Variants in ADCY2 observed in about 807,000 individuals in gnomAD.
ADCY2 encodes the protein adenylate cyclase 2.
A neutral mutation model predicts 125.2 loss-of-function variants in ADCY2; 31 were observed. That is an observed-to-expected ratio of 0.25 (90% CI 0.19 to 0.33). The LOEUF (loss-of-function observed/expected upper bound fraction) is 0.33. Ranked by LOEUF, ADCY2 falls within the 10% of genes least tolerant of loss-of-function variation. The pLI is 1.00. For missense variants in ADCY2, 904 were observed against 1,418.2 expected (o/e 0.64, Z 5.82); for synonymous variants, 512 against 548.4 (o/e 0.93, Z 0.93).
At chr5:7,769,271 T>C (rs1271547052) in intron 17 of ADCY2, among the ~76,000 whole-genome samples, 8 of 152,140 alleles carry the variant, frequency 5.3e-5, no homozygotes, top group African/African-American at 1.9e-4. Context: ...AACCTAAAAA[T>C]ATGAAAATGC....
At chr5:7,559,712 T>A (rs892361709) in intron 3 of ADCY2, among the ~76,000 whole-genome samples, 6 of 152,176 alleles carry the variant, frequency 3.9e-5, no homozygotes, top group Non-Finnish European at 8.8e-5. Flanking sequence ...TAATGCTATG[T>A]TGAATAGAAG....
intron 14 of ADCY2, among the ~76,000 whole-genome samples, chr5:7,738,615 A>C (rs1181324163): frequency 6.6e-6 from 1 of 152,004 alleles, no homozygotes; most frequent in East Asian, 1.9e-4. Context: ...AAGTATGACC[A>C]AGCCATATAC....
intron 2 of ADCY2, among the ~76,000 whole-genome samples, chr5:7,503,801 C>T (rs1743691486): frequency 6.6e-6 from 1 of 152,218 alleles, no homozygotes; most frequent in Non-Finnish European, 1.5e-5. Context: ...GAGCACATTG[C>T]ATGGACACCT....
intron 18 of ADCY2, among the ~76,000 whole-genome samples, chr5:7,774,140 G>A (rs1191746381): frequency 2.0e-5 from 3 of 152,202 alleles, no homozygotes; most frequent in African/African-American, 7.2e-5. Flanking sequence ...CCGGTGTTAG[G>A]AACGGCAGTT....
At chr5:7,582,306 G>C (rs188606524) in intron 3 of ADCY2, among the ~76,000 whole-genome samples, 109 of 152,184 alleles carry the variant, frequency 7.2e-4, no homozygotes, top group Non-Finnish European at 1.4e-3. Flanking sequence ...ATGAAAAAGA[G>C]TAAGAGACAA....
At chr5:7,474,385 G>A (rs932306346) in intron 2 of ADCY2, among the ~76,000 whole-genome samples, 2 of 152,186 alleles carry the variant, frequency 1.3e-5, no homozygotes, top group South Asian at 2.1e-4. Context: ...AAATGGGAGT[G>A]CTCTGAAGGA....
chr5:7,559,006 G>C (rs915014997), intron 3 of ADCY2, among the ~76,000 whole-genome samples: 1 of 152,046 alleles, frequency 6.6e-6, no homozygotes, highest in Non-Finnish European at 1.5e-5. Flanking sequence ...TCTTATTTCA[G>C]GTTTTCTATT....
Position 7,431,084 on chromosome 5 carries a change from T to C in ADCY2, c.408+16314T>C, listed in dbSNP as rs149612101. Among the ~76,000 whole-genome samples, 481 of 152,242 alleles carry C rather than the reference T, an allele frequency of 3.2e-3. 1 individual carries two copies. Among genetic ancestry groups the C allele is most frequent in the African/African-American group, 0.011 (457 of 41,546 alleles). On this transcript the variant is annotated intron_variant, in intron 2 of 24. Coordinates refer to ENST00000338316, the MANE Select transcript of ADCY2 (RefSeq NM_020546.3). The stretch of plus-strand genomic sequence containing the variant: ...CTAAAATGTATATGGAAATGCAAAA[T>C]ACCCCTTAAAATTTGAAAAAGCAGG...
chr5:7,585,911 A>G (rs1409759311), intron 3 of ADCY2, among the ~76,000 whole-genome samples: 2 of 152,242 alleles, frequency 1.3e-5, no homozygotes, highest in African/African-American at 2.4e-5. Context: ...CGCGATTTGT[A>G]TGTACATGGT....
chr5:7,565,880 T>C (rs1405900936), intron 3 of ADCY2, among the ~76,000 whole-genome samples: 1 of 152,204 alleles, frequency 6.6e-6, no homozygotes, highest in Non-Finnish European at 1.5e-5. Context: ...CCCAAATAAA[T>C]GTATTTGACC....
At chr5:7,816,762 T>C in intron 22 of ADCY2, 104 bp from the exon 23 acceptor site, 1 of 814,086 alleles carries the variant, frequency 1.2e-6, no homozygotes, top group African/African-American at 1.7e-5. Context: ...GCATTAGAAT[T>C]TGCCTGCATT....
intron 14 of ADCY2, among the ~76,000 whole-genome samples, chr5:7,729,738 A>G (rs1742040684): frequency 6.7e-6 from 1 of 149,490 alleles, no homozygotes; most frequent in Non-Finnish European, 1.5e-5. Context: ...TTCATTAAAG[A>G]TTACTATTAA....
intron 1 of ADCY2, among the ~76,000 whole-genome samples, chr5:7,401,647 C>T (rs1739268569): frequency 6.6e-6 from 1 of 152,202 alleles, no homozygotes; most frequent in Non-Finnish European, 1.5e-5. Flanking sequence ...GTGTCTTCCC[C>T]ATCAAGTGGA....
At chr5:7,757,393 CTG>C in intron 15 of ADCY2, 54 bp from the exon 16 acceptor site, 1 of 1,581,370 alleles carries the variant, frequency 6.3e-7, no homozygotes, top group Non-Finnish European at 8.6e-7. Context: ...CATCAAGAAA[CTG>C]GAGAGAAGTC....
intron 3 of ADCY2, among the ~76,000 whole-genome samples, chr5:7,574,459 G>T (rs1186357872): frequency 6.6e-6 from 1 of 152,072 alleles, no homozygotes; most frequent in Non-Finnish European, 1.5e-5. Context: ...CTACAACAAG[G>T]TAATGGGGCA....
intron 24 of ADCY2, among the ~76,000 whole-genome samples, chr5:7,824,066 G>T (rs990996222): frequency 6.6e-6 from 1 of 152,158 alleles, no homozygotes; most frequent in Middle Eastern, 3.2e-3. Context: ...GGTGTGGCTT[G>T]CTTCCTCACT....
At chr5:7,596,285 C>A (rs974782001) in intron 3 of ADCY2, among the ~76,000 whole-genome samples, 6 of 149,358 alleles carry the variant, frequency 4.0e-5, no homozygotes, top group East Asian at 2.0e-4. Context: ...TCCCCCCCCC[C>A]ACCAGTTAGC....
chr5:7,735,228 C>G (rs909899039), intron 14 of ADCY2, among the ~76,000 whole-genome samples: 5 of 152,170 alleles, frequency 3.3e-5, no homozygotes, highest in Non-Finnish European at 7.3e-5. Flanking sequence ...GTCTGAATCT[C>G]AGGTTGTCAC....
intron 18 of ADCY2, 122 bp from the exon 19 acceptor site, chr5:7,784,243 G>T (rs1744013584): frequency 1.5e-6 from 1 of 676,584 alleles, no homozygotes; most frequent in Non-Finnish European, 2.5e-6. Flanking sequence ...ACTTGTGTTT[G>T]GCTGGTATAT....
Sources: allele counts gnomAD v4.1 joint callset (sites outside exome capture counted in the v4.1 genomes callset), GRCh38; gene constraint gnomAD v4.1.1; transcripts MANE v1.5; gene names NCBI Gene and HGNC (gene_info 2026-07-23, HGNC 2026-07-21).